The following CAMK4 variants were observed in gnomAD, a reference collection of about 807,000 sequenced individuals.
CAMK4 encodes calcium/calmodulin-dependent protein kinase type IV.
A neutral mutation model predicts 44.9 loss-of-function variants in CAMK4; 22 were observed. The ratio of observed to expected loss-of-function variants is 0.49; its 90% CI spans 0.35 to 0.70. The LOEUF is 0.70. CAMK4 is among the 30% of genes least tolerant of loss of function. The probability of loss-of-function intolerance (pLI) is 0.01; values close to 1 mark genes in which losing one functional copy is unlikely to be tolerated. For missense variants in CAMK4, 498 were observed against 586.8 expected (o/e 0.85, Z 1.56); for synonymous variants, 218 against 215.4 (o/e 1.01, Z -0.11).
intron 4 of CAMK4, among the ~76,000 whole-genome samples, chr5:111,389,254 G>T (rs1344311732): frequency 6.6e-6 from 1 of 152,068 alleles, no homozygotes; most frequent in East Asian, 1.9e-4. Context: ...ATTCATGAAG[G>T]TTCATCCTTC....
intron 1 of CAMK4, among the ~76,000 whole-genome samples, chr5:111,287,293 A>T (rs366982): frequency 0.93 from 142,047 of 152,124 alleles, 66,416 homozygotes; most frequent in African/African-American, 0.98. Context: ...TCAAGCCAGA[A>T]GAGACAGGAT....
At chr5:111,291,612 G>A (rs929404684) in intron 1 of CAMK4, among the ~76,000 whole-genome samples, 3 of 152,270 alleles carry the variant, frequency 2.0e-5, no homozygotes, top group African/African-American at 7.2e-5. Context: ...TTGACCTCCT[G>A]GGCCAAAGTG....
At chr5:111,366,990 C>T (rs946534204) in intron 2 of CAMK4, among the ~76,000 whole-genome samples, 1 of 151,744 alleles carries the variant, frequency 6.6e-6, no homozygotes, top group Admixed American at 6.6e-5. Context: ...TGGCTATCCA[C>T]TTCATGTTAG....
chr5:111,224,375 A>G, upstream of CAMK4: 2 of 1,378,010 alleles, frequency 1.5e-6, no homozygotes, highest in Non-Finnish European at 1.9e-6. The surrounding 1 kb of genome is among the most constrained non-coding windows in gnomAD (Gnocchi z 5.7). Flanking sequence ...CGCGTGAAGG[A>G]CGCCGCCTCT....
At chr5:111,233,915 G>C (rs959987647) in intron 1 of CAMK4, among the ~76,000 whole-genome samples, 4 of 152,142 alleles carry the variant, frequency 2.6e-5, no homozygotes, top group Non-Finnish European at 5.9e-5. Context: ...CCCGTAGCCA[G>C]GGTATGTGTA....
chr5:111,257,688 C>A (rs1413211345), intron 1 of CAMK4, among the ~76,000 whole-genome samples: 1 of 152,164 alleles, frequency 6.6e-6, no homozygotes, highest in Non-Finnish European at 1.5e-5. Flanking sequence ...TAGAAAGATA[C>A]ATGCACACGT....
intron 1 of CAMK4, among the ~76,000 whole-genome samples, chr5:111,240,142 T>C (rs1748921243): frequency 6.6e-6 from 1 of 152,172 alleles, no homozygotes; most frequent in Non-Finnish European, 1.5e-5. Flanking sequence ...ATTAATCTTT[T>C]TGTTGCTTTG....
chr5:111,302,137 C>A (rs531806353), intron 1 of CAMK4: 5 of 152,090 alleles, frequency 3.3e-5, no homozygotes, highest in Admixed American at 2.6e-4. Context: ...CATATTCTCT[C>A]AGTGTCCAGC....
chr5:111,370,920 C>CAAAAAT (rs1203340781), intron 2 of CAMK4, among the ~76,000 whole-genome samples: 1 of 150,704 alleles, frequency 6.6e-6, no homozygotes, highest in Non-Finnish European at 1.5e-5. Context: ...TCTCAAAAAA[C>CAAAAAT]AAAAACAAAA....
At chr5:111,325,768 C>G (rs420153) in intron 1 of CAMK4, among the ~76,000 whole-genome samples, 139,636 of 152,064 alleles carry the variant, frequency 0.92, 64,227 homozygotes, top group East Asian at 1. Context: ...TGTATATTCT[C>G]TATATTAGAC....
At chr5:111,369,965 A>G in intron 2 of CAMK4, among the ~76,000 whole-genome samples, 1 of 152,092 alleles carries the variant, frequency 6.6e-6, no homozygotes, top group East Asian at 1.9e-4. Flanking sequence ...GAACCCACAG[A>G]TATGGAGGGC....
rs1030957992 is a variant in CAMK4 at position 111,482,537 on chromosome 5, T to C, written c.829-248T>C. 9.9e-6 allele frequency: 3 copies of C among 304,044 alleles called. No homozygotes were observed. Among genetic ancestry groups the C allele is most frequent in the Non-Finnish European group, 1.2e-5 (2 of 167,450 alleles). The allele number at this position is 304,044 out of a possible 1,614,324, so 18.8% of individuals were successfully genotyped here. A position where few individuals can be genotyped will look rare whatever the true frequency, so the allele number is the denominator to read the frequency against. ...GTGAGGAGCTGTTTCTTGACTTCTG[T>C]TGGAAAGCCGTCTGCCACTTTGGGG... On this transcript the variant is annotated intron_variant, in intron 9 of 10. Transcript: ENST00000282356. The surrounding 1 kb of genome is among the most constrained non-coding windows in gnomAD (Gnocchi z 4.9).
intron 5 of CAMK4, among the ~76,000 whole-genome samples, chr5:111,400,012 A>G (rs1270105966): frequency 6.6e-6 from 1 of 152,238 alleles, no homozygotes; most frequent in African/African-American, 2.4e-5. Flanking sequence ...GATGTTCCAG[A>G]TAGGGGTGCC....
At chr5:111,455,877 A>G (rs755465531) in intron 7 of CAMK4, among the ~76,000 whole-genome samples, 12 of 152,196 alleles carry the variant, frequency 7.9e-5, no homozygotes, top group Non-Finnish European at 5.9e-5. Flanking sequence ...AGTCTCCTCA[A>G]CTATACAATG....
chr5:111,321,053 C>G (rs1294267209), intron 1 of CAMK4, among the ~76,000 whole-genome samples: 1 of 152,122 alleles, frequency 6.6e-6, no homozygotes, highest in Non-Finnish European at 1.5e-5. Flanking sequence ...GAAATAAGCT[C>G]TAATAATTGA....
At chr5:111,285,166 G>T (rs897736918) in intron 1 of CAMK4, among the ~76,000 whole-genome samples, 6 of 152,140 alleles carry the variant, frequency 3.9e-5, no homozygotes, top group Admixed American at 3.3e-4. Context: ...AGTGATCATG[G>T]TACACTAGAA....
At chr5:111,353,491 A>G (rs1330470098) in intron 2 of CAMK4, among the ~76,000 whole-genome samples, 2 of 152,144 alleles carry the variant, frequency 1.3e-5, no homozygotes, top group Non-Finnish European at 2.9e-5. Context: ...AGGAGGAAAA[A>G]TAACAGTAGG....
intron 1 of CAMK4, among the ~76,000 whole-genome samples, chr5:111,227,614 G>T (rs751863210): frequency 6.6e-6 from 1 of 152,198 alleles, no homozygotes; most frequent in Admixed American, 6.5e-5. Flanking sequence ...AACTCCCAAG[G>T]CTATATCCAC....
chr5:111,262,445 G>C (rs1456855607), intron 1 of CAMK4, among the ~76,000 whole-genome samples: 1 of 152,006 alleles, frequency 6.6e-6, no homozygotes, highest in Non-Finnish European at 1.5e-5. Context: ...TCTTGAGAAA[G>C]ACATTCCTGG....
Sources: gnomAD v4.1 joint callset for allele counts (sites outside exome capture counted in the v4.1 genomes callset) on GRCh38, gnomAD v4.1.1 for gene constraint, Gnocchi (gnomAD v3.1) non-coding constraint, MANE v1.5 for transcripts, NCBI Gene and HGNC (gene_info 2026-07-23, HGNC 2026-07-21) for gene names.